Variants in PPP2R2C observed in about 807,000 individuals in gnomAD.
PPP2R2C encodes the protein protein phosphatase 2 regulatory subunit Bgamma, also known as protein phosphatase 2, regulatory subunit B, gamma.
In PPP2R2C, 10 loss-of-function variants were observed where a neutral mutation model predicts 45.3. The observed-to-expected ratio is 0.22, with a 90% CI of 0.14 to 0.37. The LOEUF (loss-of-function observed/expected upper bound fraction) is 0.37, where lower values mean the gene tolerates loss of function less well. Among genes scored for constraint, PPP2R2C ranks in the 10% least tolerant of loss-of-function variants. The pLI is 1.00. For synonymous variants in PPP2R2C, 257 were observed against 245.4 expected, an observed-to-expected ratio of 1.05 and a Z score of -0.44; for missense variants, 308 against 619.7, an observed-to-expected ratio of 0.50 and a Z score of 5.34.
chr4:6,412,584 G>A (rs1205350504), intron 1 of PPP2R2C, among the ~76,000 whole-genome samples: 1 of 152,162 alleles, frequency 6.6e-6, no homozygotes, highest in Non-Finnish European at 1.5e-5. Context: ...GCTGGAAAAG[G>A]CTCCCAACCT....
At chr4:6,443,077 AC>A (rs1720231336) in intron 1 of PPP2R2C, among the ~76,000 whole-genome samples, 1 of 152,004 alleles carries the variant, frequency 6.6e-6, no homozygotes, top group Admixed American at 6.5e-5. Flanking sequence ...CCTGTTTTCC[AC>A]CCCAGGAACC....
At chr4:6,422,053 A>ATTT (rs33996768) in intron 1 of PPP2R2C, among the ~76,000 whole-genome samples, 175 of 149,426 alleles carry the variant, frequency 1.2e-3, no homozygotes, top group Middle Eastern at 6.9e-3. Flanking sequence ...CATTGGTGCA[A>ATTT]TTTTTTTTTT....
At chr4:6,522,827 G>A (rs1724069160) in intron 2 of PPP2R2C, among the ~76,000 whole-genome samples, 2 of 152,264 alleles carry the variant, frequency 1.3e-5, no homozygotes, top group Admixed American at 1.3e-4. Context: ...CTCCGCCCAG[G>A]AGGGAGACAG....
At chr4:6,513,131 C>T (rs191249981) in intron 2 of PPP2R2C, among the ~76,000 whole-genome samples, 8 of 152,236 alleles carry the variant, frequency 5.3e-5, no homozygotes, top group Admixed American at 3.3e-4. Flanking sequence ...AAGGACAACA[C>T]GTAATTTATA....
At chr4:6,402,118 C>T (rs770077007) in intron 1 of PPP2R2C, among the ~76,000 whole-genome samples, 3 of 152,310 alleles carry the variant, frequency 2.0e-5, no homozygotes, top group South Asian at 2.1e-4. Context: ...GAAGAGCATG[C>T]GCTGTTGCTG....
intron 5 of PPP2R2C, chr4:6,349,414 G>A (rs1177247383): frequency 4.1e-6 from 4 of 974,746 alleles, no homozygotes; most frequent in Non-Finnish European, 4.9e-6. Flanking sequence ...AAGATCATCA[G>A]AGGCAAAGCC....
At chr4:6,446,955 G>T (rs1206472475) in intron 1 of PPP2R2C, among the ~76,000 whole-genome samples, 1 of 152,090 alleles carries the variant, frequency 6.6e-6, no homozygotes, top group African/African-American at 2.4e-5. Context: ...GCGAAGGGGT[G>T]CTGGGCTGAT....
intron 8 of PPP2R2C, among the ~76,000 whole-genome samples, chr4:6,327,908 GC>G (rs1315697780): frequency 1.3e-5 from 2 of 152,084 alleles, no homozygotes; most frequent in Admixed American, 1.3e-4. Flanking sequence ...CAATGACTTG[GC>G]CCCCCACTTG....
Position 6,364,512 on chromosome 4 carries a change from A to C in PPP2R2C, c.625+8011T>G, listed in dbSNP as rs745611876. Among the ~76,000 whole-genome samples the C allele has an allele frequency of 6.6e-6, 1 of 151,996 alleles. No homozygotes were observed. Among genetic ancestry groups the C allele is most frequent in the Non-Finnish European group, 1.5e-5 (1 of 67,962 alleles). On this transcript the variant is annotated intron_variant, in intron 5 of 8. Transcript: ENST00000382599. The surrounding 1 kb of genome is among the most constrained non-coding windows in gnomAD (Gnocchi z 5.3). ...TTTTTTTCTCATGTTGTAGGAGAAC[A>C]GACTGTAAGGAGACACCTGGGGAAA...
chr4:6,331,601 C>T lies in PPP2R2C; in HGVS notation c.960+1961G>A, dbSNP rs189107176. On this transcript the variant is annotated intron_variant, in intron 7 of 8. Transcript: ENST00000382599. The surrounding 1 kb of genome is among the most constrained non-coding windows in gnomAD (Gnocchi z 5.9). ...AAGATTTTACAATCACAGTGAAACA[C>T]GCAACAGACCCCAGGGGTGAGATCT... is the stretch of plus-strand genomic sequence containing the variant. 2.0e-4 allele frequency among the ~76,000 whole-genome samples: 31 copies of T among 152,264 alleles called. No homozygotes were observed. The highest frequency in any genetic ancestry group is 9.8e-4 in the Admixed American group (15 of 15,300).
At chr4:6,355,588 C>G (rs1713097285) in intron 5 of PPP2R2C, among the ~76,000 whole-genome samples, 1 of 151,528 alleles carries the variant, frequency 6.6e-6, no homozygotes, top group Non-Finnish European at 1.5e-5. Flanking sequence ...CAAGGAGGCC[C>G]CAGGGTGTGA....
intron 1 of PPP2R2C, among the ~76,000 whole-genome samples, chr4:6,544,280 C>T (rs1430930801): frequency 6.6e-6 from 1 of 152,178 alleles, no homozygotes; most frequent in East Asian, 1.9e-4. Context: ...TTCCAGCTAC[C>T]GGAAGTCCCT....
chr4:6,362,953 G>A (rs971985932), intron 5 of PPP2R2C, among the ~76,000 whole-genome samples: 8 of 152,204 alleles, frequency 5.3e-5, no homozygotes, highest in Admixed American at 5.2e-4. Flanking sequence ...TCTGTAAAAG[G>A]GGGATATTAA....
intron 1 of PPP2R2C, chr4:6,384,527 G>A (rs748970985): frequency 3.1e-5 from 30 of 974,700 alleles, no homozygotes; most frequent in Non-Finnish European, 3.4e-5. Flanking sequence ...TATATAAAAC[G>A]CTGCACATAC....
intron 6 of PPP2R2C, among the ~76,000 whole-genome samples, chr4:6,339,076 C>G (rs1733234181): frequency 6.6e-6 from 1 of 152,242 alleles, no homozygotes; most frequent in East Asian, 1.9e-4. Flanking sequence ...GCTGGTCTTT[C>G]TTACCAACTC....
intron 2 of PPP2R2C, among the ~76,000 whole-genome samples, chr4:6,518,233 C>G (rs757123866): frequency 2.0e-5 from 3 of 152,092 alleles, no homozygotes; most frequent in Non-Finnish European, 4.4e-5. Flanking sequence ...CCTAAGCTTC[C>G]ACTTCAGGAA....
chr4:6,332,192 C>T lies in PPP2R2C; in HGVS notation c.960+1370G>A, dbSNP rs746787544. Among the ~76,000 whole-genome samples, 2 of 152,082 alleles carry T rather than the reference C, an allele frequency of 1.3e-5. No individual in the cohort carries two copies. Among genetic ancestry groups the T allele is most frequent in the Non-Finnish European group, 2.9e-5 (2 of 68,026 alleles). On this transcript the variant is annotated intron_variant, in intron 7 of 8. Coordinates refer to ENST00000382599, the MANE Select transcript of PPP2R2C (RefSeq NM_020416.4). The surrounding 1 kb of genome is among the most constrained non-coding windows in gnomAD (Gnocchi z 4.9). Reference sequence around the variant, plus strand: ...GGAGGTAAGTGACCGGACAAGGGGCCGGAGGGGGTTGGAAATGTTCATTTC... The same window carrying T: ...GGAGGTAAGTGACCGGACAAGGGGCTGGAGGGGGTTGGAAATGTTCATTTC...
chr4:6,349,303 A>C, intron 5 of PPP2R2C: 1 of 984,972 alleles, frequency 1.0e-6, no homozygotes, highest in Non-Finnish European at 1.2e-6. Flanking sequence ...CAGCTCTGTC[A>C]CCTCCTGGCT....
intron 1 of PPP2R2C, among the ~76,000 whole-genome samples, chr4:6,461,365 C>A (rs541294862): frequency 6.6e-6 from 1 of 152,308 alleles, no homozygotes; most frequent in African/African-American, 2.4e-5. Context: ...GATGCAGGTT[C>A]TTCCCACTGC....
Sources: gnomAD v4.1 joint callset for allele counts (sites outside exome capture counted in the v4.1 genomes callset) on GRCh38, gnomAD v4.1.1 for gene constraint, Gnocchi (gnomAD v3.1) non-coding constraint, MANE v1.5 for transcripts, NCBI Gene and HGNC (gene_info 2026-07-23, HGNC 2026-07-21) for gene names.